The following FOXP1 variants were observed in gnomAD, a reference collection of about 807,000 sequenced individuals.
FOXP1 encodes forkhead box protein P1.
In FOXP1, 15 loss-of-function variants were observed where a neutral mutation model predicts 98.2. The ratio of observed to expected loss-of-function variants is 0.15; its 90% CI spans 0.10 to 0.24. FOXP1 has a LOEUF of 0.24. FOXP1 is among the 10% of genes least tolerant of loss of function. FOXP1 has a pLI of 1.00. For missense variants in FOXP1, 633 were observed against 848.5 expected (o/e 0.75, Z 3.15); for synonymous variants, 371 against 314.5 (o/e 1.18, Z -1.90).
At chr3:71,583,360 G>T (rs1248490917) in intron 1 of FOXP1, 2 of 774,758 alleles carry the variant, frequency 2.6e-6, no homozygotes, top group East Asian at 1.3e-4. Flanking sequence ...CCTCGACCCG[G>T]GGGGGAGAGG....
intron 2 of FOXP1, chr3:71,571,924 T>G (rs1168706499): frequency 6.6e-6 from 1 of 152,242 alleles, no homozygotes; most frequent in Non-Finnish European, 1.5e-5. Context: ...AGACACACAC[T>G]ATTTTAAAAA....
intron 12 of FOXP1, among the ~76,000 whole-genome samples, chr3:71,009,658 T>C (rs1235846916): frequency 6.6e-6 from 1 of 152,124 alleles, no homozygotes; most frequent in South Asian, 2.1e-4. Flanking sequence ...GAAAAATAAA[T>C]ATATCTAAGT....
At chr3:71,145,611 T>C (rs61593374) in intron 6 of FOXP1, among the ~76,000 whole-genome samples, 73,914 of 152,040 alleles carry the variant, frequency 0.49, 18,551 homozygotes, top group East Asian at 0.87. Context: ...CATCACTTTA[T>C]ATTCCCACCG....
At chr3:71,156,057 T>C (rs914352676) in intron 6 of FOXP1, among the ~76,000 whole-genome samples, 1 of 152,072 alleles carries the variant, frequency 6.6e-6, no homozygotes, top group South Asian at 2.1e-4. Flanking sequence ...GACAGCAATC[T>C]CTCCTGCAGG....
intron 3 of FOXP1, among the ~76,000 whole-genome samples, chr3:71,439,769 C>A (rs2085732423): frequency 6.6e-6 from 1 of 152,042 alleles, no homozygotes; most frequent in African/African-American, 2.4e-5. Context: ...CAAGGCAAAA[C>A]CCCATCCCTA....
At chr3:71,333,846 TAAAC>T (rs994789995) in intron 4 of FOXP1, 7 of 143,758 alleles carry the variant, frequency 4.9e-5, no homozygotes, top group African/African-American at 1.6e-4. Context: ...CAAAAGAAAA[TAAAC>T]AAAAAAGAAT....
At chr3:71,203,294 A>G (rs1016494540) in intron 5 of FOXP1, among the ~76,000 whole-genome samples, 2 of 152,208 alleles carry the variant, frequency 1.3e-5, no homozygotes, top group African/African-American at 2.4e-5. Context: ...TCTTGCTTGG[A>G]AACATTACAG....
chr3:71,351,083 T>A (rs745567603), intron 4 of FOXP1, among the ~76,000 whole-genome samples: 2 of 152,130 alleles, frequency 1.3e-5, no homozygotes, highest in Non-Finnish European at 2.9e-5. Context: ...TAAGAAAAGA[T>A]CTTTTCTGCT....
intron 6 of FOXP1, among the ~76,000 whole-genome samples, chr3:71,136,296 A>G (rs952779712): frequency 6.6e-6 from 1 of 152,222 alleles, no homozygotes; most frequent in Non-Finnish European, 1.5e-5. Context: ...CCTGTTATTG[A>G]AAGAAAATTG....
intron 4 of FOXP1, among the ~76,000 whole-genome samples, chr3:71,314,299 G>A (rs1350690856): frequency 6.6e-6 from 1 of 152,112 alleles, no homozygotes; most frequent in East Asian, 1.9e-4. Flanking sequence ...AGGAGGCTGA[G>A]GTGGGCGGAT....
chr3:71,033,617 A>C (rs199980362), intron 11 of FOXP1, among the ~76,000 whole-genome samples: 4,168 of 150,964 alleles, frequency 0.028, 126 homozygotes, highest in South Asian at 0.059. Flanking sequence ...AAAAAAAAAA[A>C]AAAAAAAAAA....
At chr3:71,318,103 A>T (rs574055720) in intron 4 of FOXP1, among the ~76,000 whole-genome samples, 12 of 152,070 alleles carry the variant, frequency 7.9e-5, no homozygotes, top group East Asian at 3.8e-4. Flanking sequence ...AGTCATTTTT[A>T]AAAAATGTAG....
At chr3:71,525,301 G>T (rs2043292022) in intron 2 of FOXP1, among the ~76,000 whole-genome samples, 1 of 152,150 alleles carries the variant, frequency 6.6e-6, no homozygotes, top group Non-Finnish European at 1.5e-5. Flanking sequence ...ATTCCTCCAG[G>T]TCTAAAGACA....
intron 6 of FOXP1, among the ~76,000 whole-genome samples, chr3:71,190,054 T>C (rs2062871157): frequency 6.6e-6 from 1 of 152,240 alleles, no homozygotes; most frequent in African/African-American, 2.4e-5. Context: ...ATTTCTTCCC[T>C]TCCAAGCCAG....
At chr3:71,317,987 G>A (rs898160896) in intron 4 of FOXP1, among the ~76,000 whole-genome samples, 3 of 152,150 alleles carry the variant, frequency 2.0e-5, no homozygotes, top group Admixed American at 6.5e-5. Context: ...CAGATACGGC[G>A]TGGCTTTAGC....
In FOXP1 at chr3:70,977,661, A is replaced by G; in HGVS notation, c.1410T>C (p.Tyr470=). 2 of 1,613,636 alleles carry G rather than the reference A, an allele frequency of 1.2e-6. No homozygotes were observed. Among genetic ancestry groups the G allele is most frequent in the South Asian group, 1.1e-5 (1 of 91,068 alleles). Residue 470 remains tyrosine (Y), a synonymous_variant, in exon 16 of 21, where the codon TAT becomes TAC. Transcript: ENST00000649528. ...KNAEVRPPFT[Y]ASLIRQAILE... is the part of the protein sequence containing the mutation. ...TACTTACCTGCCTAATTAAAGATGCATATGTAAATGGTGGTCTAACTTCTG... is the reference window on the plus strand; with the variant it reads ...TACTTACCTGCCTAATTAAAGATGCGTATGTAAATGGTGGTCTAACTTCTG...
intron 3 of FOXP1, among the ~76,000 whole-genome samples, chr3:71,411,581 C>T (rs2082750419): frequency 6.6e-6 from 1 of 152,172 alleles, no homozygotes; most frequent in African/African-American, 2.4e-5. Flanking sequence ...CCTGGCCTCC[C>T]AAAGTGCTAG....
intron 3 of FOXP1, among the ~76,000 whole-genome samples, chr3:71,444,645 C>A (rs2086247286): frequency 6.6e-6 from 1 of 152,126 alleles, no homozygotes; most frequent in South Asian, 2.1e-4. Flanking sequence ...GCAGGCCTGC[C>A]AGCTGCCTGG....
chr3:71,093,117 C>T (rs1456537974), intron 7 of FOXP1, among the ~76,000 whole-genome samples: 5 of 151,600 alleles, frequency 3.3e-5, no homozygotes, highest in Non-Finnish European at 7.4e-5. Context: ...AAAAATTAGC[C>T]GGGCATAGTG....
Sources: gnomAD v4.1 joint callset for allele counts (sites outside exome capture counted in the v4.1 genomes callset) on GRCh38, gnomAD v4.1.1 for gene constraint, MANE v1.5 for transcripts, NCBI Gene and HGNC (gene_info 2026-07-23, HGNC 2026-07-21) for gene names.